NUP133: variants seen among roughly 807,000 people sequenced by gnomAD.
NUP133 encodes the protein nucleoporin 133, also known as nuclear pore complex protein Nup133.
A neutral mutation model predicts 146.2 loss-of-function variants in NUP133; 66 were observed. That is an observed-to-expected ratio of 0.45 (90% CI 0.37 to 0.55). The LOEUF is 0.55. Among genes scored for constraint, NUP133 ranks in the 20% least tolerant of loss-of-function variants. The pLI, the probability that NUP133 is intolerant of heterozygous loss-of-function variation, is 0.00. For synonymous variants in NUP133, 521 were observed against 498.8 expected, an observed-to-expected ratio of 1.04 and a Z score of -0.59; for missense variants, 1,277 against 1,374.8, an observed-to-expected ratio of 0.93 and a Z score of 1.12.
chr1:229,484,385 T>C (rs957981790), intron 11 of NUP133, among the ~76,000 whole-genome samples: 1 of 151,922 alleles, frequency 6.6e-6, no homozygotes, highest in East Asian at 1.9e-4. Context: ...AAAAAAAAAA[T>C]TTATGTTTCA....
At position 229,466,714 on chromosome 1, in the gene NUP133, C is replaced by T; in HGVS notation, c.2119G>A (p.Glu707Lys). The change falls in exon 16 of 26, where the codon GAG (glutamate) becomes AAG (lysine). Residue 707 changes from glutamate (E) to lysine (K), a missense_variant. Coordinates refer to ENST00000261396, the MANE Select transcript of NUP133 (RefSeq NM_018230.3). ...GGTGCATCCCTCAAGACTTGCTCCT[C>T]ATGCTCCAGTAAGCACTCACAGATG... ...DTICECLLEHEEQVLRDAPMD... is the reference protein window; with the variant it reads ...DTICECLLEHKEQVLRDAPMD... The T allele has an allele frequency of 1.2e-6, 2 of 1,613,876 alleles. No homozygotes were observed. Among genetic ancestry groups the T allele is most frequent in the Non-Finnish European group, 1.7e-6 (2 of 1,179,784 alleles).
chr1:229,474,768 C>G (rs1052926638), intron 14 of NUP133, among the ~76,000 whole-genome samples: 1 of 151,998 alleles, frequency 6.6e-6, no homozygotes, highest in East Asian at 1.9e-4. Context: ...AAAAAATTAG[C>G]CGGGTGTGGT....
intron 10 of NUP133, among the ~76,000 whole-genome samples, chr1:229,486,903 GAAA>G (rs572081486): frequency 7.8e-5 from 9 of 115,120 alleles, no homozygotes; most frequent in Non-Finnish European, 1.4e-4. Flanking sequence ...ATGGGGACTG[GAAA>G]AAAAAAAAAA....
intron 25 of NUP133, among the ~76,000 whole-genome samples, chr1:229,442,580 G>T (rs929560824): frequency 6.6e-6 from 1 of 151,954 alleles, no homozygotes; most frequent in Non-Finnish European, 1.5e-5. Context: ...TTGACAAATA[G>T]AGAAAACTGG....
chr1:229,493,928 C>A (rs1210837539), intron 8 of NUP133, among the ~76,000 whole-genome samples: 1 of 152,146 alleles, frequency 6.6e-6, no homozygotes, highest in African/African-American at 2.4e-5. Context: ...GTCAGGAGTT[C>A]AAGACCAGCC....
rs752398447 is a variant in NUP133 at position 229,508,213 on chromosome 1, T to G, written c.37A>C (p.Thr13Pro). 8.4e-6 allele frequency: 13 copies of G among 1,552,768 alleles called. No homozygotes were observed. Among genetic ancestry groups the G allele is most frequent in the Non-Finnish European group, 9.5e-6 (11 of 1,152,910 alleles). Residue 13 changes from threonine to proline, a missense_variant, in exon 1 of 26, where the codon ACC (threonine) becomes CCC (proline). By Grantham distance (38) the Thr-to-Pro change is conservative. Around this residue, in one of 3 missense-constraint regions of NUP133, gnomAD observed 319 missense variants for 306.9 expected, o/e 1.04. Transcript: ENST00000261396. Reference sequence around the variant, plus strand: ...GCCAGCGGGCCCCTTCGGGACCCGGTACCCGGGGTCCGCGGAGAAGGGGCG... The same window carrying G: ...GCCAGCGGGCCCCTTCGGGACCCGGGACCCGGGGTCCGCGGAGAAGGGGCG... Reference protein sequence around the residue: ...PAAPSPRTPGTGSRRGPLAGL... With the variant: ...PAAPSPRTPGPGSRRGPLAGL...
chr1:229,506,237 C>T (rs1661933339), intron 1 of NUP133, 79 bp from the exon 2 acceptor site: 1 of 720,232 alleles, frequency 1.4e-6, no homozygotes, highest in Non-Finnish European at 2.3e-6. Flanking sequence ...TATATTTTCA[C>T]AGTAAGGAGT....
rs371157483 is a variant in NUP133, at chr1:229,496,029, C to T, written c.838G>A (p.Asp280Asn). 9.4e-6 allele frequency: 15 copies of T among 1,587,890 alleles called. No homozygotes were observed. In the African/African-American group the frequency reaches 1.9e-4, roughly 20 times the overall value. The part of the protein sequence containing the change: ...SDLTLSSVLW[D>N]RERSSFYSLT... ...CTATAAAAGCTTGATCTCTCTCTAT[C>T]CCAGAGAACACTTGAAAGCTATTCA... The change falls in exon 7 of 26, where the codon GAT (aspartate) becomes AAT (asparagine). Residue 280 changes from aspartate (D) to asparagine (N), a missense_variant. Around this residue, in one of 3 missense-constraint regions of NUP133, gnomAD observed 952 missense variants for 1,047.0 expected, o/e 0.91. Coordinates refer to ENST00000261396, the MANE Select transcript of NUP133 (RefSeq NM_018230.3).
chr1:229,507,683 C>A (rs1236972499), intron 1 of NUP133, among the ~76,000 whole-genome samples: 1 of 152,212 alleles, frequency 6.6e-6, no homozygotes, highest in Non-Finnish European at 1.5e-5. Flanking sequence ...CACCTTACAT[C>A]TGCATCGTGG....
intron 12 of NUP133, 92 bp from the exon 13 acceptor site, chr1:229,477,852 C>A: frequency 1.1e-6 from 1 of 912,550 alleles, no homozygotes; most frequent in Non-Finnish European, 1.6e-6. Context: ...ACTATTCAGC[C>A]AAAAAAAAGA....
intron 8 of NUP133, among the ~76,000 whole-genome samples, chr1:229,490,967 A>C (rs1661499276): frequency 6.6e-6 from 1 of 152,042 alleles, no homozygotes; most frequent in African/African-American, 2.4e-5. Flanking sequence ...AAAAAGAAAA[A>C]AAAAACAACT....
chr1:229,482,431 A>G (rs1256972912), intron 12 of NUP133, among the ~76,000 whole-genome samples: 1 of 152,198 alleles, frequency 6.6e-6, no homozygotes, highest in Admixed American at 6.5e-5. Context: ...TTCGAAAAGG[A>G]AGAAACAGAA....
At chr1:229,475,098 CAATAAATAAATA>C (rs541499624) in intron 14 of NUP133, among the ~76,000 whole-genome samples, 8 of 151,288 alleles carry the variant, frequency 5.3e-5, no homozygotes, top group Non-Finnish European at 7.4e-5. Flanking sequence ...TGCCCTGTCT[CAATAAATAAATA>C]AATAAATAAA....
intron 24 of NUP133, among the ~76,000 whole-genome samples, chr1:229,445,558 A>G (rs1660284922): frequency 6.6e-6 from 1 of 152,188 alleles, no homozygotes; most frequent in African/African-American, 2.4e-5. Flanking sequence ...GGGTCCAGCA[A>G]TCCTCCTGTC....
At chr1:229,500,446 T>G (rs1310159763) in intron 4 of NUP133, among the ~76,000 whole-genome samples, 4 of 152,222 alleles carry the variant, frequency 2.6e-5, no homozygotes, top group African/African-American at 7.2e-5. Context: ...ATTGGTCATT[T>G]GTAATTTTAA....
In NUP133 at chr1:229,488,748, G is replaced by C. The variant is rs1414302141; in HGVS notation, c.1195-1135C>G. 2.0e-5 allele frequency among the ~76,000 whole-genome samples: 3 copies of C among 151,964 alleles called. No individual in the cohort carries two copies. In the East Asian group the frequency reaches 5.8e-4, roughly 29 times the overall value. ...CACCTGTAATCCCAGCTACCTGAGA[G>C]GACTGCTTGAGACCAGGAGTTGGAG... is the stretch of plus-strand genomic sequence containing the variant. On this transcript the variant is annotated intron_variant, in intron 9 of 25. Transcript: ENST00000261396.
chr1:229,472,356 T>G lies in NUP133; in HGVS notation c.1852-1552A>C, dbSNP rs540131098. ...AAAAAAAATCTAGGTGGAGTTTTCA[T>G]GCAAGGTCATCCCAATTGCCTGCTT... On this transcript the variant is annotated intron_variant, in intron 14 of 25. Coordinates refer to ENST00000261396, the MANE Select transcript of NUP133 (RefSeq NM_018230.3). Among the ~76,000 whole-genome samples the G allele has an allele frequency of 1.5e-3, 224 of 148,060 alleles. 1 individual carries two copies. The highest frequency in any genetic ancestry group is 5.4e-3 in the African/African-American group (218 of 40,214).
intron 25 of NUP133, 105 bp from the exon 26 acceptor site, chr1:229,442,145 G>C: frequency 9.0e-7 from 1 of 1,106,600 alleles, no homozygotes; most frequent in Non-Finnish European, 1.3e-6. Context: ...TAAATATAAC[G>C]TCACTTTGCT....
intron 2 of NUP133, among the ~76,000 whole-genome samples, chr1:229,502,558 C>CAAAAAAAAAAAAAAAAA (rs58520087): frequency 2.3e-5 from 1 of 43,118 alleles, no homozygotes; most frequent in Admixed American, 3.1e-4. Context: ...GACTCCATCT[C>CAAAAAAAAAAAAAAAAA]AAAAAAAAAA....
Sources: gnomAD v4.1 joint callset for allele counts (sites outside exome capture counted in the v4.1 genomes callset) on GRCh38, gnomAD v4.1.1 for gene constraint, gnomAD v4.1.1 regional missense constraint, MANE v1.5 for transcripts, NCBI Gene and HGNC (gene_info 2026-07-23, HGNC 2026-07-21) for gene names.